Variants in NCAM2 observed in about 807,000 individuals in gnomAD.
NCAM2 encodes the protein neural cell adhesion molecule 2.
NCAM2 carries 30 observed loss-of-function variants against 98.1 expected under a neutral mutation model. The observed-to-expected ratio is 0.31, with a 90% CI of 0.23 to 0.41. The LOEUF (loss-of-function observed/expected upper bound fraction) is 0.41. Among genes scored for constraint, NCAM2 ranks in the 10% least tolerant of loss-of-function variants. The probability of loss-of-function intolerance (pLI) is 1.00; values close to 1 mark genes in which losing one functional copy is unlikely to be tolerated. For synonymous variants in NCAM2, 368 were observed against 342.4 expected, an observed-to-expected ratio of 1.07 and a Z score of -0.83; for missense variants, 867 against 1,005.8, an observed-to-expected ratio of 0.86 and a Z score of 1.87.
At chr21:21,436,267 A>T (rs774249572) in intron 12 of NCAM2, among the ~76,000 whole-genome samples, 1 of 152,202 alleles carries the variant, frequency 6.6e-6, no homozygotes. Flanking sequence ...ATGAGTCACT[A>T]TGTCCTTTAA....
chr21:21,508,037 C>G (rs1000822131), intron 15 of NCAM2, among the ~76,000 whole-genome samples: 1 of 152,078 alleles, frequency 6.6e-6, no homozygotes, highest in African/African-American at 2.4e-5. Flanking sequence ...CTCCACTTGC[C>G]ATTTCAATTT....
At chr21:21,411,030 A>ATGTG (rs1294417603) in intron 10 of NCAM2, among the ~76,000 whole-genome samples, 2 of 91,544 alleles carry the variant, frequency 2.2e-5, no homozygotes, top group African/African-American at 9.3e-5. Flanking sequence ...ATATATATAT[A>ATGTG]TACACACATA....
chr21:21,089,509 A>T (rs531792789), intron 1 of NCAM2, among the ~76,000 whole-genome samples: 2 of 152,342 alleles, frequency 1.3e-5, no homozygotes, highest in East Asian at 3.9e-4. Context: ...ACAAATATTG[A>T]TGTGGCAAGG....
chr21:21,170,092 A>C (rs1418122524), intron 1 of NCAM2, among the ~76,000 whole-genome samples: 1 of 152,234 alleles, frequency 6.6e-6, no homozygotes, highest in Non-Finnish European at 1.5e-5. Flanking sequence ...AATCCAAAAC[A>C]CTTGACAACA....
intron 1 of NCAM2, among the ~76,000 whole-genome samples, chr21:21,076,167 A>G (rs1017652212): frequency 2.6e-5 from 4 of 151,998 alleles, no homozygotes; most frequent in African/African-American, 4.8e-5. Flanking sequence ...TCAAAAGTTC[A>G]ATAAAAGTAT....
intron 1 of NCAM2, among the ~76,000 whole-genome samples, chr21:21,214,746 T>TATATATATATATATATACACACAC (rs11268201): frequency 2.0e-5 from 2 of 100,608 alleles, no homozygotes; most frequent in African/African-American, 6.5e-5. Context: ...TATATATATA[T>TATATATATATATATATACACACAC]ACACTATATA....
chr21:21,454,493 T>C (rs1475880), intron 12 of NCAM2, among the ~76,000 whole-genome samples: 31,654 of 152,008 alleles, frequency 0.21, 3,506 homozygotes, highest in African/African-American at 0.28. Flanking sequence ...AATACGAACC[T>C]GTGTCATGCA....
At chr21:21,196,892 T>C (rs1339115107) in intron 1 of NCAM2, among the ~76,000 whole-genome samples, 1 of 152,130 alleles carries the variant, frequency 6.6e-6, no homozygotes, top group African/African-American at 2.4e-5. Context: ...TTCAGTGCTG[T>C]TCCTGTCGTA....
chr21:21,289,452 G>T (rs549699309), intron 4 of NCAM2, among the ~76,000 whole-genome samples: 1 of 151,992 alleles, frequency 6.6e-6, no homozygotes, highest in East Asian at 1.9e-4. Context: ...GAGTGTCAAA[G>T]ATGCCTGCCA....
chr21:21,366,699 A>G lies in NCAM2; in HGVS notation c.1045-7164A>G, dbSNP rs2075794992. Among the ~76,000 whole-genome samples the G allele has an allele frequency of 2.0e-5, 3 of 152,162 alleles. No individual in the cohort carries two copies. In the South Asian group the frequency reaches 6.2e-4, roughly 32 times the overall value. On this transcript the variant is annotated intron_variant, in intron 8 of 17. Coordinates refer to ENST00000400546, the MANE Select transcript of NCAM2 (RefSeq NM_004540.5). ...TGGGGTGTGATGTTTGAAAATTTCC[A>G]TGATAAAATACAAAATGTAATTTTA...
intron 9 of NCAM2, among the ~76,000 whole-genome samples, chr21:21,402,866 G>C (rs1602231428): frequency 6.6e-6 from 1 of 151,002 alleles, no homozygotes; most frequent in Non-Finnish European, 1.5e-5. Flanking sequence ...TTAATTTTTT[G>C]AGAAACCTCC....
chr21:21,148,646 G>A (rs1373271510), intron 1 of NCAM2, among the ~76,000 whole-genome samples: 3 of 151,958 alleles, frequency 2.0e-5, no homozygotes, highest in African/African-American at 4.8e-5. Flanking sequence ...TTTGAGAGAC[G>A]CTTTTTTAGG....
intron 16 of NCAM2, among the ~76,000 whole-genome samples, chr21:21,515,258 G>A (rs1487666618): frequency 6.6e-6 from 1 of 152,078 alleles, no homozygotes; most frequent in African/African-American, 2.4e-5. Flanking sequence ...TTAAGCAGAT[G>A]GTGTTCTGCA....
At chr21:21,210,443 C>T in intron 1 of NCAM2, 1 of 965,574 alleles carries the variant, frequency 1.0e-6, no homozygotes, top group South Asian at 1.7e-5. Flanking sequence ...AGCACCAGGA[C>T]ACTCCATGAC....
At chr21:21,278,336 C>A (rs1485961139) in intron 1 of NCAM2, among the ~76,000 whole-genome samples, 1 of 152,046 alleles carries the variant, frequency 6.6e-6, no homozygotes, top group African/African-American at 2.4e-5. Flanking sequence ...TCTCAAATTT[C>A]TTGAGTTCTG....
intron 10 of NCAM2, among the ~76,000 whole-genome samples, chr21:21,417,997 T>G (rs2077027754): frequency 6.6e-6 from 1 of 152,058 alleles, no homozygotes; most frequent in Admixed American, 6.6e-5. Flanking sequence ...TAAAGCAAAC[T>G]GATCTGAGGC....
At chr21:21,106,392 T>G (rs1281808337) in intron 1 of NCAM2, among the ~76,000 whole-genome samples, 5 of 151,614 alleles carry the variant, frequency 3.3e-5, no homozygotes, top group Admixed American at 6.6e-5. Context: ...TTTCTTTAGA[T>G]TTTTCTTTAT....
At chr21:21,377,825 C>G (rs2076067081) in intron 9 of NCAM2, among the ~76,000 whole-genome samples, 1 of 151,804 alleles carries the variant, frequency 6.6e-6, no homozygotes, top group African/African-American at 2.4e-5. Flanking sequence ...CAATAACTCC[C>G]CATTTCCTTC....
At chr21:21,394,677 C>T (rs866752969) in intron 9 of NCAM2, among the ~76,000 whole-genome samples, 36 of 151,360 alleles carry the variant, frequency 2.4e-4, no homozygotes, top group African/African-American at 5.6e-4. Flanking sequence ...TTAGTAGAGA[C>T]GGGGTTTCAC....
Sources: gnomAD v4.1 joint callset for allele counts (sites outside exome capture counted in the v4.1 genomes callset) on GRCh38, gnomAD v4.1.1 for gene constraint, MANE v1.5 for transcripts, NCBI Gene and HGNC (gene_info 2026-07-23, HGNC 2026-07-21) for gene names.